Variants in COL4A1 observed in about 807,000 individuals in gnomAD.
The protein encoded by COL4A1 is collagen type IV alpha 1 chain.
In COL4A1, 40 loss-of-function variants were observed where a neutral mutation model predicts 216.6. The ratio of observed to expected loss-of-function variants is 0.18; its 90% CI spans 0.14 to 0.24. The LOEUF (loss-of-function observed/expected upper bound fraction) is 0.24. COL4A1 is among the 10% of genes least tolerant of loss of function. The pLI is 1.00. For missense variants in COL4A1, 1,628 were observed against 2,196.8 expected (o/e 0.74, Z 5.18); for synonymous variants, 839 against 810.7 (o/e 1.03, Z -0.59).
intron 1 of COL4A1, among the ~76,000 whole-genome samples, chr13:110,254,592 A>T (rs2139267743): frequency 6.6e-6 from 1 of 152,306 alleles, no homozygotes; most frequent in South Asian, 2.1e-4. Flanking sequence ...TGCAACTCAA[A>T]AACAGAGTTT....
At chr13:110,229,099 TC>T (rs1880888576) in intron 2 of COL4A1, among the ~76,000 whole-genome samples, 1 of 152,178 alleles carries the variant, frequency 6.6e-6, no homozygotes, top group African/African-American at 2.4e-5. Context: ...CGCTCCCCTT[TC>T]CTCAGAATAC....
chr13:110,202,905 C>T (rs1879312097), intron 18 of COL4A1, among the ~76,000 whole-genome samples: 1 of 152,110 alleles, frequency 6.6e-6, no homozygotes, highest in Admixed American at 6.5e-5. Context: ...CCTCAATGGA[C>T]CACGTTTTTT....
rs1361670862 is a variant in COL4A1 at position 110,167,319 on chromosome 13, C to G, written c.3877-89G>C. ...CTGCTAGTTGGAAAATGGAAACAGC[C>G]CCTCAATGTTCTGGAAAGCACATTT... is the stretch of plus-strand genomic sequence containing the variant. On this transcript the variant is annotated intron_variant, in intron 43 of 51. Coordinates refer to ENST00000375820, the MANE Select transcript of COL4A1 (RefSeq NM_001845.6). The G allele has an allele frequency of 9.2e-6, 9 of 978,502 alleles. No homozygotes were observed. The African/African-American group carries it at 1.4e-4, about 16-fold the overall frequency. The allele number at this position is 978,502 out of a possible 1,614,324, so 60.6% of individuals were successfully genotyped here.
intron 1 of COL4A1, among the ~76,000 whole-genome samples, chr13:110,304,869 C>A (rs1317178148): frequency 1.3e-5 from 2 of 152,204 alleles, no homozygotes; most frequent in Non-Finnish European, 2.9e-5. Context: ...CCAACAGTCA[C>A]TTCCACTGGC....
rs114844045 is a variant in COL4A1 at position 110,227,754 on chromosome 13, C to T, written c.145-13739G>A. Among the ~76,000 whole-genome samples, 956 of 152,324 alleles carry T rather than the reference C, an allele frequency of 6.3e-3. 14 individuals carry two copies. Among genetic ancestry groups the T allele is most frequent in the African/African-American group, 0.021 (861 of 41,570 alleles). ...TGGTTCTCCACAGGGAGAATCAGCACGTTCTGTGAAGAAACAGGGAAAGCA... is the reference window on the plus strand; with the variant it reads ...TGGTTCTCCACAGGGAGAATCAGCATGTTCTGTGAAGAAACAGGGAAAGCA... On this transcript the variant is annotated intron_variant, in intron 2 of 51. Coordinates refer to ENST00000375820, the MANE Select transcript of COL4A1 (RefSeq NM_001845.6).
intron 8 of COL4A1, among the ~76,000 whole-genome samples, chr13:110,210,685 G>A (rs1167501931): frequency 6.6e-6 from 1 of 152,212 alleles, no homozygotes; most frequent in Non-Finnish European, 1.5e-5. Context: ...CAGACCAGAT[G>A]TTTCTGTGAA....
chr13:110,227,687 CTG>C (rs1335372295), intron 2 of COL4A1, among the ~76,000 whole-genome samples: 1 of 152,236 alleles, frequency 6.6e-6, no homozygotes, highest in Non-Finnish European at 1.5e-5. Flanking sequence ...TTGGTGGAAA[CTG>C]AGCTCTCATG....
chr13:110,250,312 C>T (rs1320654000), intron 1 of COL4A1, among the ~76,000 whole-genome samples: 1 of 152,020 alleles, frequency 6.6e-6, no homozygotes, highest in Non-Finnish European at 1.5e-5. Context: ...GAGGTACATG[C>T]TCTATTCTGC....
At chr13:110,246,310 G>A (rs1438437894) in intron 1 of COL4A1, among the ~76,000 whole-genome samples, 1 of 151,636 alleles carries the variant, frequency 6.6e-6, no homozygotes, top group Non-Finnish European at 1.5e-5. Flanking sequence ...GCATATGAAG[G>A]TATTTTAGCT....
chr13:110,287,109 G>A (rs558133606), intron 1 of COL4A1, among the ~76,000 whole-genome samples: 5 of 152,282 alleles, frequency 3.3e-5, no homozygotes, highest in Admixed American at 1.3e-4. Context: ...GAGAGGCCCC[G>A]GGCACCCCAG....
Position 110,187,162 on chromosome 13 carries a change from A to C in COL4A1, c.1704T>G (p.Gly568=), listed in dbSNP as rs1276637254. 3 of 1,613,862 alleles carry C rather than the reference A, an allele frequency of 1.9e-6. No individual in the cohort carries two copies. The highest frequency in any genetic ancestry group is 2.5e-6 in the Non-Finnish European group (3 of 1,179,924). ...CCGGCGAGCCCTTGGGGCCAGGAAGACCCGGATGGCCATCTCTTCCAGGAG... is the reference window on the plus strand; with the variant it reads ...CCGGCGAGCCCTTGGGGCCAGGAAGCCCCGGATGGCCATCTCTTCCAGGAG... The part of the protein sequence containing the change: ...AGSPGRDGHP[G]LPGPKGSPGS... Residue 568 remains glycine, a synonymous_variant, in exon 25 of 52, where the codon GGT becomes GGG. Coordinates refer to ENST00000375820, the MANE Select transcript of COL4A1 (RefSeq NM_001845.6).
At chr13:110,284,558 C>T (rs536824160) in intron 1 of COL4A1, among the ~76,000 whole-genome samples, 3 of 152,246 alleles carry the variant, frequency 2.0e-5, no homozygotes, top group South Asian at 2.1e-4. Context: ...CATTTTTCAC[C>T]GATTTTTGTG....
intron 44 of COL4A1, 35 bp downstream of exon 44, chr13:110,167,123 G>A (rs1264438406): frequency 6.3e-6 from 10 of 1,583,024 alleles, no homozygotes; most frequent in East Asian, 4.5e-5. Context: ...GTCTGCTGCT[G>A]CAAAGGCTGT....
chr13:110,291,581 C>T (rs1884090900), intron 1 of COL4A1, among the ~76,000 whole-genome samples: 1 of 152,210 alleles, frequency 6.6e-6, no homozygotes, highest in Admixed American at 6.5e-5. Flanking sequence ...TTCCTTATCA[C>T]CCACCCCATG....
chr13:110,286,731 C>T (rs1273669359), intron 1 of COL4A1, among the ~76,000 whole-genome samples: 1 of 152,140 alleles, frequency 6.6e-6, no homozygotes, highest in African/African-American at 2.4e-5. Flanking sequence ...CTGCTGGCCT[C>T]GCAGAGAGGC....
At position 110,207,702 on chromosome 13, in the gene COL4A1, T is replaced by G. The variant is rs1879580240; in HGVS notation, c.694-213A>C. On this transcript the variant is annotated intron_variant, in intron 12 of 51. Transcript: ENST00000375820. The surrounding 1 kb of genome is among the most constrained non-coding windows in gnomAD (Gnocchi z 4.4). ...TCTAAACCCAGGAGGAGAATTTCAC[T>G]TCTTCTATGGGTGGCCACTAGCTCA... 1.3e-5 allele frequency among the ~76,000 whole-genome samples: 2 copies of G among 152,322 alleles called. No individual in the cohort carries two copies. The highest frequency in any genetic ancestry group is 4.8e-5 in the African/African-American group (2 of 41,574).
At position 110,177,138 on chromosome 13, in the gene COL4A1, G is replaced by C. The variant is rs887516544; in HGVS notation, c.2717-101C>G. The C allele has an allele frequency of 5.7e-6, 9 of 1,567,862 alleles. No individual in the cohort carries two copies. In the African/African-American group the frequency reaches 1.1e-4, roughly 19 times the overall value. On this transcript the variant is annotated intron_variant, in intron 33 of 51. Coordinates refer to ENST00000375820, the MANE Select transcript of COL4A1 (RefSeq NM_001845.6). ...GACAGGGACAGCAGCTGGCAAAAAG[G>C]CTACAAAGCACTCATAACTTGTCCA... is the stretch of plus-strand genomic sequence containing the variant.
intron 2 of COL4A1, among the ~76,000 whole-genome samples, chr13:110,236,731 C>T (rs962093407): frequency 6.6e-6 from 1 of 152,234 alleles, no homozygotes; most frequent in Non-Finnish European, 1.5e-5. Context: ...TGGGGTGACC[C>T]AGTGCTCACG....
chr13:110,175,084 G>A (rs563220424), intron 37 of COL4A1, 134 bp downstream of exon 37: 104 of 1,136,382 alleles, frequency 9.2e-5, no homozygotes, highest in African/African-American at 5.5e-4. Flanking sequence ...AAGGAGAGGC[G>A]ACTTGTGCTG....
Sources: allele counts gnomAD v4.1 joint callset (sites outside exome capture counted in the v4.1 genomes callset), GRCh38; gene constraint gnomAD v4.1.1; non-coding constraint Gnocchi (gnomAD v3.1); transcripts MANE v1.5; gene names NCBI Gene and HGNC (gene_info 2026-07-23, HGNC 2026-07-21).